The following H1-8 variants were observed in gnomAD, a reference collection of about 807,000 sequenced individuals.
H1-8 encodes the protein H1.8 linker histone, also known as histone H1.8.
A neutral mutation model predicts 19.5 loss-of-function variants in H1-8; 13 were observed. That is an observed-to-expected ratio of 0.67 (90% CI 0.43 to 1.06). The LOEUF is 1.06. Among genes scored for constraint, H1-8 ranks in the 50% least tolerant of loss-of-function variants. The pLI, the probability that H1-8 is intolerant of heterozygous loss-of-function variation, is 0.00. For synonymous variants in H1-8, 193 were observed against 187.6 expected (o/e 1.03, Z -0.24); for missense variants, 432 against 459.8 (o/e 0.94, Z 0.55).
rs747178739 is a variant in H1-8 at position 129,543,212 on chromosome 3, C to T, written c.-7C>T. 39 of 1,610,568 alleles carry T rather than the reference C, an allele frequency of 2.4e-5. No homozygotes were observed. Among genetic ancestry groups the T allele is most frequent in the South Asian group, 1.8e-4 (16 of 90,502 alleles). ...TGAGGGGTCTGCTGGCTGCACCTGT[C>T]GGTCTCATGGCTCCTGGGAGCGTCA... On this transcript the variant is annotated 5_prime_UTR_variant, in exon 1 of 5. Transcript: ENST00000324382.
intron 1 of H1-8, among the ~76,000 whole-genome samples, chr3:129,544,143 G>A (rs1049715005): frequency 6.6e-6 from 1 of 152,140 alleles, no homozygotes; most frequent in African/African-American, 2.4e-5. Flanking sequence ...CAGAGGAAAC[G>A]GCATGGGCTA....
Position 129,551,350 on chromosome 3 carries a change from C to A in H1-8, c.*10C>A. ...GAGGGCTGAAGCTTAGGGCCAGAGG[C>A]AGGGGCGGAGAGAGACCGAGCCTCT... On this transcript the variant is annotated 3_prime_UTR_variant, in exon 5 of 5. Coordinates refer to ENST00000324382, the MANE Select transcript of H1-8 (RefSeq NM_153833.3). 1 of 1,591,636 alleles carries A rather than the reference C, an allele frequency of 6.3e-7. No individual in the cohort carries two copies. Among genetic ancestry groups the A allele is most frequent in the Non-Finnish European group, 8.6e-7 (1 of 1,162,038 alleles).
At chr3:129,548,732 C>T (rs1265551476) in intron 2 of H1-8, among the ~76,000 whole-genome samples, 6 of 150,336 alleles carry the variant, frequency 4.0e-5, no homozygotes, top group East Asian at 2.3e-4. Context: ...GGCAGGGCAG[C>T]GCTTCAGGGT....
At chr3:129,548,441 T>A (rs116198078) in intron 2 of H1-8, 1 of 986,772 alleles carries the variant, frequency 1.0e-6, no homozygotes, top group South Asian at 4.7e-5. Flanking sequence ...GGGCGTCAGG[T>A]GTCTGATGCG....
In H1-8 at chr3:129,548,902, CT is replaced by C. The variant is rs541715177; in HGVS notation, c.379-98del. 6.4e-5 allele frequency: 94 copies of C among 1,457,830 alleles called. No homozygotes were observed. The African/African-American group carries it at 1.1e-3, about 17-fold the overall frequency. The allele number at this position is 1,457,830 out of a possible 1,614,324, so 90.3% of individuals were successfully genotyped here. A position where few individuals can be genotyped will look rare whatever the true frequency, so the allele number is the denominator to read the frequency against. On this transcript the variant is annotated intron_variant, in intron 2 of 4. Coordinates refer to ENST00000324382, the MANE Select transcript of H1-8 (RefSeq NM_153833.3). Reference sequence around the variant, plus strand: ...GCCTCTCACTGCCTGTGGAGCCCCCCTGTTTGGAACGAGGCCTCCCATTCGG... The same window carrying C: ...GCCTCTCACTGCCTGTGGAGCCCCCCGTTTGGAACGAGGCCTCCCATTCGG...
intron 1 of H1-8, among the ~76,000 whole-genome samples, chr3:129,546,487 ATCATT>A (rs1339375594): frequency 6.6e-6 from 1 of 152,240 alleles, no homozygotes; most frequent in African/African-American, 2.4e-5. Flanking sequence ...GGATTTATGT[ATCATT>A]TCATCTGTAA....
chr3:129,549,163 G>C lies in H1-8; in HGVS notation c.541G>C (p.Ala181Pro). ...GKVKKAAKRP[A>P]KVQKPPPKPG... is the part of the protein sequence containing the mutation. ...GGTGAAAAAGGCAGCCAAGAGGCCA[G>C]CAAAGGTGCAGAAGCCTCCTCCCAA... Residue 181 changes from alanine to proline, a missense_variant, in exon 3 of 5, where the codon GCA becomes CCA. Physicochemically the swap from Ala to Pro is conservative, Grantham distance 27 (BLOSUM62 -1). Transcript: ENST00000324382. 2 of 1,565,586 alleles carry C rather than the reference G, an allele frequency of 1.3e-6. No individual in the cohort carries two copies. Among genetic ancestry groups the C allele is most frequent in the Non-Finnish European group, 1.7e-6 (2 of 1,154,334 alleles).
At position 129,547,687 on chromosome 3, in the gene H1-8, G is replaced by A. The variant is rs748211181; in HGVS notation, c.378+7G>A. The A allele has an allele frequency of 5.8e-5, 89 of 1,534,516 alleles. No homozygotes were observed. The highest frequency in any genetic ancestry group is 3.7e-4 in the South Asian group (31 of 83,430). Reference sequence around the variant, plus strand: ...GGCCACTGGCAGCTTCAAAGTAAGCGCCCCTGAGGGAGGACATAGCCCAGG... The same window carrying A: ...GGCCACTGGCAGCTTCAAAGTAAGCACCCCTGAGGGAGGACATAGCCCAGG... On this transcript the variant is annotated splice_region_variant and intron_variant, in intron 2 of 4. Transcript: ENST00000324382.
chr3:129,545,110 G>T (rs2084878570), intron 1 of H1-8, among the ~76,000 whole-genome samples: 1 of 150,118 alleles, frequency 6.7e-6, no homozygotes, highest in Non-Finnish European at 1.5e-5. Context: ...ACCCAGGCTG[G>T]AGTGCAGTGG....
intron 3 of H1-8, among the ~76,000 whole-genome samples, chr3:129,550,078 C>A (rs1006486961): frequency 3.0e-4 from 46 of 152,174 alleles, no homozygotes; most frequent in Non-Finnish European, 2.6e-4. Context: ...GAGGACAATG[C>A]AGAGCTGTGG....
chr3:129,551,145 G>A lies in H1-8; in HGVS notation c.846G>A (p.Val282=). Residue 282 remains valine (V), a synonymous_variant, in exon 5 of 5, where the codon GTG becomes GTA. Transcript: ENST00000324382. ...NGAASPTKKK[V]VAKAKAPKAG... is the part of the protein sequence containing the mutation. Reference sequence around the variant, plus strand: ...CTGCTTCCCCGACCAAAAAGAAGGTGGTGGCCAAGGCCAAGGCCCCTAAAG... The same window carrying A: ...CTGCTTCCCCGACCAAAAAGAAGGTAGTGGCCAAGGCCAAGGCCCCTAAAG... 1 of 1,614,154 alleles carries A rather than the reference G, an allele frequency of 6.2e-7. No homozygotes were observed. Among genetic ancestry groups the A allele is most frequent in the Non-Finnish European group, 8.5e-7 (1 of 1,180,026 alleles).
Position 129,547,607 on chromosome 3 carries a change from C to T in H1-8, c.305C>T (p.Ala102Val), listed in dbSNP as rs765343493. Residue 102 changes from alanine to valine, a missense_variant, in exon 2 of 5, where the codon GCC becomes GTC. Coordinates refer to ENST00000324382, the MANE Select transcript of H1-8 (RefSeq NM_153833.3). ...RFKYLLKQAL[A>V]TGMRRGLLAR... ...AAGTACCTGCTGAAGCAGGCGCTGG[C>T]CACTGGCATGCGCCGTGGCCTCCTC... is the stretch of plus-strand genomic sequence containing the variant. The T allele has an allele frequency of 2.6e-5, 40 of 1,553,240 alleles. No homozygotes were observed. The highest frequency in any genetic ancestry group is 7.7e-5 in the Admixed American group (4 of 51,654).
In H1-8 at chr3:129,551,299, G is replaced by T. The variant is rs759747643; in HGVS notation, c.1000G>T (p.Ala334Ser). The change falls in exon 5 of 5, where the codon GCC becomes TCC. Residue 334 changes from alanine (A) to serine (S), a missense_variant. Transcript: ENST00000324382. ...GPRKAGLPIKASSSKVSSQRA... is the reference protein window; with the variant it reads ...GPRKAGLPIKSSSSKVSSQRA... ...TAGAAAGGCTGGGCTGCCCATCAAG[G>T]CCTCATCATCCAAAGTGTCCAGCCA... is the stretch of plus-strand genomic sequence containing the variant. The T allele has an allele frequency of 6.8e-6, 11 of 1,613,816 alleles. No homozygotes were observed. Among genetic ancestry groups the T allele is most frequent in the East Asian group, 4.5e-5 (2 of 44,902 alleles).
chr3:129,545,698 T>C lies in H1-8; in HGVS notation c.89-1693T>C, dbSNP rs60121351. 2.3e-3 allele frequency among the ~76,000 whole-genome samples: 352 copies of C among 152,366 alleles called. 3 individuals carry two copies. Among genetic ancestry groups the C allele is most frequent in the African/African-American group, 7.9e-3 (330 of 41,572 alleles). On this transcript the variant is annotated intron_variant, in intron 1 of 4. Coordinates refer to ENST00000324382, the MANE Select transcript of H1-8 (RefSeq NM_153833.3). Reference sequence around the variant, plus strand: ...TGGAATCAGACAGTATGTGGCTTTTTCTGACTGCCTTTTTTCACTTTGCAT... The same window carrying C: ...TGGAATCAGACAGTATGTGGCTTTTCCTGACTGCCTTTTTTCACTTTGCAT...
At chr3:129,545,919 C>A (rs905239900) in intron 1 of H1-8, among the ~76,000 whole-genome samples, 3 of 152,008 alleles carry the variant, frequency 2.0e-5, no homozygotes, top group Non-Finnish European at 4.4e-5. Flanking sequence ...TTTGTGTGGA[C>A]ATGCGTTTTC....
intron 1 of H1-8, among the ~76,000 whole-genome samples, chr3:129,546,325 A>G (rs938703797): frequency 2.0e-5 from 3 of 152,010 alleles, no homozygotes; most frequent in African/African-American, 7.2e-5. Context: ...CCCTGTCTCC[A>G]TAAAACAAAA....
At position 129,547,478 on chromosome 3, in the gene H1-8, T is replaced by C; in HGVS notation, c.176T>C (p.Val59Ala). ...CGCCACCCCCCGGTGCTACGCATGG[T>C]GCTGGAGGCGCTGCAGGCTGGGGAG... ...GRRHPPVLRM[V>A]LEALQAGEQR... Residue 59 changes from valine (V) to alanine (A), a missense_variant, in exon 2 of 5, where the codon GTG becomes GCG. By Grantham distance (64) the Val-to-Ala change is moderately conservative (BLOSUM62 0). Transcript: ENST00000324382. The C allele has an allele frequency of 1.3e-6, 2 of 1,552,348 alleles. No individual in the cohort carries two copies. Among genetic ancestry groups the C allele is most frequent in the Non-Finnish European group, 1.7e-6 (2 of 1,148,090 alleles).
chr3:129,543,415 T>G, intron 1 of H1-8, 109 bp downstream of exon 1: 4 of 735,292 alleles, frequency 5.4e-6, no homozygotes, highest in East Asian at 2.8e-5. Flanking sequence ...CCCCAGCACC[T>G]ACCCAGCACC....
chr3:129,545,184 C>T (rs2084879088), intron 1 of H1-8, among the ~76,000 whole-genome samples: 1 of 151,910 alleles, frequency 6.6e-6, no homozygotes, highest in African/African-American at 2.4e-5. Flanking sequence ...CCTCAGCCTC[C>T]CAAGTAGCTA....
Sources: allele counts gnomAD v4.1 joint callset (sites outside exome capture counted in the v4.1 genomes callset), GRCh38; gene constraint gnomAD v4.1.1; transcripts MANE v1.5; gene names NCBI Gene and HGNC (gene_info 2026-07-23, HGNC 2026-07-21).